The following SEC24A variants were observed in gnomAD, a reference collection of about 807,000 sequenced individuals.
SEC24A encodes protein transport protein Sec24A.
In SEC24A, 93 loss-of-function variants were observed where a neutral mutation model predicts 129.4. The ratio of observed to expected loss-of-function variants is 0.72; its 90% confidence interval spans 0.61 to 0.85. The LOEUF is 0.85. Ranked by LOEUF, SEC24A falls within the 40% of genes least tolerant of loss-of-function variation. The pLI, the probability that SEC24A is intolerant of heterozygous loss-of-function variation, is 0.00. For synonymous variants in SEC24A, 460 were observed against 467.3 expected (o/e 0.98, Z 0.20); for missense variants, 1,264 against 1,307.4 (o/e 0.97, Z 0.51).
Position 134,667,076 on chromosome 5 carries a change from A to T in SEC24A, c.739+80A>T, listed in dbSNP as rs1420591048. On this transcript the variant is annotated intron_variant, in intron 3 of 22. Coordinates refer to ENST00000398844, the MANE Select transcript of SEC24A (RefSeq NM_021982.3). Reference sequence around the variant, plus strand: ...GATGAATATTAGCTGAATTCTGTGCATTAAAATCACATTTTTTCCAGAAAA... The same window carrying T: ...GATGAATATTAGCTGAATTCTGTGCTTTAAAATCACATTTTTTCCAGAAAA... 9 of 1,215,946 alleles carry T rather than the reference A, an allele frequency of 7.4e-6. No individual in the cohort carries two copies. In the African/African-American group the frequency reaches 1.4e-4, roughly 19 times the overall value. The allele number at this position is 1,215,946 out of a possible 1,614,324, so 75.3% of individuals were successfully genotyped here.
At chr5:134,677,468 ATTT>A (rs370010622) in intron 7 of SEC24A, among the ~76,000 whole-genome samples, 1 of 132,110 alleles carries the variant, frequency 7.6e-6, no homozygotes, top group Non-Finnish European at 1.6e-5. Flanking sequence ...GCCTGTATTG[ATTT>A]TTTTTTTTTT....
intron 11 of SEC24A, among the ~76,000 whole-genome samples, chr5:134,692,314 TG>T (rs1297212673): frequency 6.6e-6 from 1 of 152,192 alleles, no homozygotes; most frequent in Non-Finnish European, 1.5e-5. Flanking sequence ...CTCAAAGTGC[TG>T]GGATTACAGG....
chr5:134,704,917 T>C (rs1752106523), intron 16 of SEC24A, among the ~76,000 whole-genome samples: 1 of 151,282 alleles, frequency 6.6e-6, no homozygotes, highest in East Asian at 1.9e-4. Context: ...CCTCAGGTAA[T>C]CCTCCCACCT....
chr5:134,704,072 A>ATTTC (rs1752082898), intron 16 of SEC24A, 140 bp downstream of exon 16: 2 of 387,662 alleles, frequency 5.2e-6, no homozygotes. Context: ...TTATTTATTT[A>ATTTC]TTTATTTATT....
chr5:134,689,104 T>C (rs59337601), intron 11 of SEC24A, among the ~76,000 whole-genome samples: 2,009 of 152,258 alleles, frequency 0.013, 35 homozygotes, highest in African/African-American at 0.046. Flanking sequence ...CTTTATACCA[T>C]GTAAAGAAAA....
At chr5:134,700,964 C>T (rs112706576) in intron 15 of SEC24A, among the ~76,000 whole-genome samples, 111 of 152,146 alleles carry the variant, frequency 7.3e-4, no homozygotes, top group South Asian at 2.7e-3. Context: ...GTGATCCATC[C>T]GCCTCGGCCT....
chr5:134,698,814 G>A (rs899919745), intron 15 of SEC24A, among the ~76,000 whole-genome samples: 2 of 151,700 alleles, frequency 1.3e-5, no homozygotes, highest in Admixed American at 1.3e-4. Flanking sequence ...TGTATTTTTA[G>A]TAGAGACAGG....
chr5:134,688,036 C>T, intron 10 of SEC24A, 145 bp from the exon 11 acceptor site: 6 of 659,366 alleles, frequency 9.1e-6, no homozygotes, highest in East Asian at 2.8e-5. Context: ...TCATGGTAAA[C>T]GTTGGGTGGT....
intron 3 of SEC24A, among the ~76,000 whole-genome samples, chr5:134,669,703 T>G (rs914763921): frequency 2.0e-5 from 3 of 149,004 alleles, no homozygotes; most frequent in Non-Finnish European, 4.4e-5. Context: ...GGTCTCGATC[T>G]CCTGACCTTG....
At position 134,674,745 on chromosome 5, in the gene SEC24A, T is replaced by C. The variant is rs549447952; in HGVS notation, c.948T>C (p.Asn316=). 4 of 1,613,782 alleles carry C rather than the reference T, an allele frequency of 2.5e-6. No individual in the cohort carries two copies. The South Asian group carries it at 4.4e-5, about 18-fold the overall frequency. ...GATGVPPSSL[N]YPSGPQAFTQ... ...CTGGAGTACCACCCTCTTCCTTGAATTACCCAAGTGGGCCACAAGCCTTTA... is the reference window on the plus strand; with the variant it reads ...CTGGAGTACCACCCTCTTCCTTGAACTACCCAAGTGGGCCACAAGCCTTTA... Residue 316 remains asparagine (N), a synonymous_variant, in exon 5 of 23, where the codon AAT becomes AAC. Transcript: ENST00000398844.
intron 17 of SEC24A, among the ~76,000 whole-genome samples, chr5:134,707,570 C>T (rs1752203354): frequency 6.6e-6 from 1 of 152,078 alleles, no homozygotes; most frequent in African/African-American, 2.4e-5. Context: ...ACCTCGTGAT[C>T]CACCCGCCTC....
chr5:134,682,339 T>G (rs748337034), intron 8 of SEC24A, 34 bp from the exon 9 acceptor site: 21 of 1,143,566 alleles, frequency 1.8e-5, no homozygotes, highest in Non-Finnish European at 2.3e-5. Context: ...TTCTTTTCAG[T>G]TTTTTCAATA....
Position 134,685,276 on chromosome 5 carries a change from G to A in SEC24A, c.1492-1514G>A, listed in dbSNP as rs191653931. Reference sequence around the variant, plus strand: ...CTTGGGAGGCTGAGGTGGAAGGATCGCTTGAGCCCAGGAGTTCAAGGCTGC... The same window carrying A: ...CTTGGGAGGCTGAGGTGGAAGGATCACTTGAGCCCAGGAGTTCAAGGCTGC... On this transcript the variant is annotated intron_variant, in intron 9 of 22. Transcript: ENST00000398844. Among the ~76,000 whole-genome samples the A allele has an allele frequency of 1.1e-4, 16 of 151,934 alleles. 1 individual carries two copies. The highest frequency in any genetic ancestry group is 3.4e-4 in the African/African-American group (14 of 41,438).
intron 13 of SEC24A, among the ~76,000 whole-genome samples, chr5:134,696,248 C>A (rs562734002): frequency 6.6e-5 from 10 of 150,864 alleles, no homozygotes; most frequent in Admixed American, 6.6e-4. Context: ...CCAGCCTGGG[C>A]AACTACAGCA....
At chr5:134,683,546 C>T (rs1751346943) in intron 9 of SEC24A, among the ~76,000 whole-genome samples, 2 of 152,060 alleles carry the variant, frequency 1.3e-5, no homozygotes, top group African/African-American at 4.8e-5. Flanking sequence ...GAGGGTCTTA[C>T]TTTGTTGCTG....
intron 9 of SEC24A, among the ~76,000 whole-genome samples, chr5:134,685,898 A>G (rs1476699878): frequency 1.3e-5 from 2 of 152,062 alleles, no homozygotes; most frequent in Non-Finnish European, 2.9e-5. Context: ...CTGAGGCAGG[A>G]GAATCTCTTG....
chr5:134,653,600 C>T (rs975885130), intron 1 of SEC24A, among the ~76,000 whole-genome samples: 1 of 152,126 alleles, frequency 6.6e-6, no homozygotes, highest in Non-Finnish European at 1.5e-5. Context: ...TGTGGTGGCT[C>T]ACACCTGTAA....
intron 3 of SEC24A, among the ~76,000 whole-genome samples, chr5:134,669,291 C>T (rs1385603962): frequency 1.7e-4 from 26 of 150,844 alleles, no homozygotes; most frequent in African/African-American, 5.1e-4. Context: ...CTCAGCTTCC[C>T]GAGTAGCTGG....
Position 134,659,321 on chromosome 5 carries a change from C to T in SEC24A, c.98-1798C>T, listed in dbSNP as rs1035544225. On this transcript the variant is annotated intron_variant, in intron 1 of 22. Transcript: ENST00000398844. ...TCTCCTGACCTCGTGATCCGCCCGC[C>T]TTGGCCTCCCAAAGTGCTGGGATTA... Among the ~76,000 whole-genome samples, 28 of 152,160 alleles carry T rather than the reference C, an allele frequency of 1.8e-4. 1 individual carries two copies. Among genetic ancestry groups the T allele is most frequent in the African/African-American group, 6.3e-4 (26 of 41,510 alleles).
Sources: allele counts gnomAD v4.1 joint callset (sites outside exome capture counted in the v4.1 genomes callset), GRCh38; gene constraint gnomAD v4.1.1; transcripts MANE v1.5; gene names NCBI Gene and HGNC (gene_info 2026-07-23, HGNC 2026-07-21).